PPFIA1: variants seen among roughly 807,000 people sequenced by gnomAD.
PPFIA1 encodes PPFI scaffold protein A1.
A neutral mutation model predicts 149.9 loss-of-function variants in PPFIA1; 25 were observed. The observed-to-expected ratio is 0.17, with a 90% CI of 0.12 to 0.23. The LOEUF (loss-of-function observed/expected upper bound fraction) is 0.23. Ranked by LOEUF, PPFIA1 falls within the 10% of genes least tolerant of loss-of-function variation. The pLI is 1.00. For synonymous variants in PPFIA1, 549 were observed against 552.8 expected (o/e 0.99, Z 0.10); for missense variants, 1,362 against 1,506.5 (o/e 0.90, Z 1.59).
chr11:70,332,907 A>G (rs1185850960), intron 9 of PPFIA1: 1 of 404,662 alleles, frequency 2.5e-6, no homozygotes, highest in African/African-American at 2.0e-5. Flanking sequence ...TGTTCCTTCT[A>G]GCAAGTTTGT....
rs1205010561 is a variant in PPFIA1, at chr11:70,382,110, G to T, written c.3573G>T (p.Arg1191Ser). 13 of 1,613,948 alleles carry T rather than the reference G, an allele frequency of 8.1e-6. No homozygotes were observed. The highest frequency in any genetic ancestry group is 1.1e-5 in the Non-Finnish European group (13 of 1,179,994). The change falls in exon 27 of 28, where the codon AGG becomes AGT. Residue 1191 changes from arginine to serine, a missense_variant. Physicochemically the swap from Arg to Ser is moderately radical, Grantham distance 110 (BLOSUM62 -1). Around this residue, in one of 7 missense-constraint regions of PPFIA1, gnomAD observed 349 missense variants for 373.3 expected, o/e 0.93. Transcript: ENST00000253925. ...QMDGNVSGTQ[R>S]LDSATVRTYS... is the part of the protein sequence containing the mutation. The stretch of plus-strand genomic sequence containing the variant: ...CAGGCAATGTATCAGGAACACAGAG[G>T]TTGGATTCTGCTACAGTCAGGACTT...
intron 2 of PPFIA1, among the ~76,000 whole-genome samples, chr11:70,277,037 GAT>G (rs1287413641): frequency 3.8e-5 from 3 of 79,200 alleles, no homozygotes; most frequent in Admixed American, 1.7e-4. Flanking sequence ...GTTTGATTGA[GAT>G]ATATATATAT....
At chr11:70,294,756 T>C (rs2051786492) in intron 2 of PPFIA1, among the ~76,000 whole-genome samples, 1 of 151,640 alleles carries the variant, frequency 6.6e-6, no homozygotes, top group Admixed American at 6.6e-5. Flanking sequence ...GTGATGACTC[T>C]TAACGAGCAT....
At chr11:70,382,868 G>A (rs775882527) in intron 27 of PPFIA1, 135 bp from the exon 28 acceptor site, 29 of 295,902 alleles carry the variant, frequency 9.8e-5, no homozygotes, top group South Asian at 3.5e-4. Flanking sequence ...GAGCAGCTAC[G>A]GCACAGAAAG....
intron 2 of PPFIA1, among the ~76,000 whole-genome samples, chr11:70,305,578 C>G (rs1000338073): frequency 1.3e-5 from 2 of 152,100 alleles, no homozygotes; most frequent in Non-Finnish European, 2.9e-5. Context: ...ACCCTGCTGC[C>G]TGGGCTGGTC....
At chr11:70,349,625 T>G (rs2055929636) in intron 16 of PPFIA1, among the ~76,000 whole-genome samples, 1 of 152,220 alleles carries the variant, frequency 6.6e-6, no homozygotes. Context: ...TTAGCCAGCA[T>G]GCAATTAAAT....
chr11:70,282,739 A>C (rs1042811351), intron 2 of PPFIA1, among the ~76,000 whole-genome samples: 1 of 149,864 alleles, frequency 6.7e-6, no homozygotes, highest in East Asian at 2.0e-4. Flanking sequence ...TCACCATGTT[A>C]GCCAGAATGG....
At chr11:70,375,160 T>C in intron 24 of PPFIA1, 67 bp downstream of exon 24, 3 of 900,078 alleles carry the variant, frequency 3.3e-6, no homozygotes, top group Non-Finnish European at 1.5e-6. Flanking sequence ...GACAGCTAGT[T>C]ATTCGAATAG....
chr11:70,301,359 C>T (rs2052476969), intron 2 of PPFIA1, among the ~76,000 whole-genome samples: 1 of 152,144 alleles, frequency 6.6e-6, no homozygotes, highest in Middle Eastern at 3.2e-3. Context: ...GGTTTTGGTC[C>T]TCACCATGGT....
chr11:70,331,853 A>T, intron 8 of PPFIA1, 107 bp from the exon 9 acceptor site: 2 of 1,263,346 alleles, frequency 1.6e-6, no homozygotes, highest in Non-Finnish European at 2.1e-6. Context: ...TAGCTCTTCC[A>T]TCATGACTCT....
At chr11:70,321,605 A>C (rs1480820158) in intron 2 of PPFIA1, among the ~76,000 whole-genome samples, 3 of 152,252 alleles carry the variant, frequency 2.0e-5, no homozygotes, top group African/African-American at 7.2e-5. Flanking sequence ...AAGAGTAAGA[A>C]GATATGACCC....
rs906116525 is a variant in PPFIA1 at position 70,382,084 on chromosome 11, A to G, written c.3551-4A>G. 6.2e-7 allele frequency: 1 copy of G among 1,613,840 alleles called. No individual in the cohort carries two copies. Among genetic ancestry groups the G allele is most frequent in the Non-Finnish European group, 8.5e-7 (1 of 1,179,944 alleles). On this transcript the variant is annotated splice_region_variant and splice_polypyrimidine_tract_variant and intron_variant, in intron 26 of 27. Coordinates refer to ENST00000253925, the MANE Select transcript of PPFIA1 (RefSeq NM_003626.5). ...CACGCTTCCTCTCGTGGCTGTTGAA[A>G]CAGGCAATGTATCAGGAACACAGAG...
At chr11:70,309,403 A>G (rs1233293122) in intron 2 of PPFIA1, among the ~76,000 whole-genome samples, 1 of 152,156 alleles carries the variant, frequency 6.6e-6, no homozygotes, top group East Asian at 1.9e-4. Flanking sequence ...TTGCGACCTC[A>G]GGTGATCTGC....
intron 2 of PPFIA1, among the ~76,000 whole-genome samples, chr11:70,295,656 C>G (rs1162315771): frequency 1.4e-5 from 2 of 145,326 alleles, no homozygotes; most frequent in African/African-American, 5.2e-5. Context: ...CCCCTCACCT[C>G]CCGGACGGGG....
At position 70,335,331 on chromosome 11, in the gene PPFIA1, G is replaced by T. The variant is rs570224867; in HGVS notation, c.1297-232G>T. Among the ~76,000 whole-genome samples, 3 of 152,252 alleles carry T rather than the reference G, an allele frequency of 2.0e-5. No homozygotes were observed. The South Asian group carries it at 6.2e-4, about 32-fold the overall frequency. On this transcript the variant is annotated intron_variant, in intron 10 of 27. Coordinates refer to ENST00000253925, the MANE Select transcript of PPFIA1 (RefSeq NM_003626.5). The stretch of plus-strand genomic sequence containing the variant: ...AGTGACATTCCTGAGGAGTCCTGTG[G>T]CAGGAGCAGTGGGACCTTCTAGTTA...
rs1028528587 is a variant in PPFIA1 at position 70,372,326 on chromosome 11, A to T, written c.2977A>T (p.Met993Leu). ...YFMECLVDAR[M>L]LDHLTKKDLR... Reference sequence around the variant, plus strand: ...CATGGAGTGCCTTGTAGACGCCAGGATGCTGGACCACTTGACCAAGAAAGA... The same window carrying T: ...CATGGAGTGCCTTGTAGACGCCAGGTTGCTGGACCACTTGACCAAGAAAGA... The change falls in exon 22 of 28, where the codon ATG (methionine) becomes TTG (leucine). Residue 993 changes from methionine to leucine, a missense_variant. Physicochemically the swap from Met to Leu is conservative, Grantham distance 15. Coordinates refer to ENST00000253925, the MANE Select transcript of PPFIA1 (RefSeq NM_003626.5). 1 of 1,614,216 alleles carries T rather than the reference A, an allele frequency of 6.2e-7. No individual in the cohort carries two copies. Among genetic ancestry groups the T allele is most frequent in the Non-Finnish European group, 8.5e-7 (1 of 1,180,032 alleles).
At chr11:70,293,025 A>G (rs1394708719) in intron 2 of PPFIA1, among the ~76,000 whole-genome samples, 3 of 152,230 alleles carry the variant, frequency 2.0e-5, no homozygotes, top group African/African-American at 7.2e-5. Flanking sequence ...ATGGGAGCCT[A>G]GTCTGAGCAA....
At position 70,377,890 on chromosome 11, in the gene PPFIA1, G is replaced by A. The variant is rs2057551634; in HGVS notation, c.3385-140G>A. On this transcript the variant is annotated intron_variant, in intron 25 of 27. Coordinates refer to ENST00000253925, the MANE Select transcript of PPFIA1 (RefSeq NM_003626.5). Reference sequence around the variant, plus strand: ...AGTTCCAGGTTGGGCAATATATTGTGTGGTCATCAAGAAGGGATTAAATAC... The same window carrying A: ...AGTTCCAGGTTGGGCAATATATTGTATGGTCATCAAGAAGGGATTAAATAC... 9.9e-6 allele frequency: 7 copies of A among 703,966 alleles called. No homozygotes were observed. The East Asian group carries it at 1.4e-4, about 14-fold the overall frequency. The allele number at this position is 703,966 out of a possible 1,614,324, so 43.6% of individuals were successfully genotyped here.
Position 70,358,638 on chromosome 11 carries a change from T to C in PPFIA1, c.2582+2384T>C, listed in dbSNP as rs529435340. 2 of 152,386 alleles carry C rather than the reference T, an allele frequency of 1.3e-5. 1 individual carries two copies. Among genetic ancestry groups the C allele is most frequent in the South Asian group, 4.1e-4 (2 of 4,826 alleles). 9.4% of individuals were successfully genotyped at this position (152,386 alleles called of 1,614,324 possible). On this transcript the variant is annotated intron_variant, in intron 19 of 27. Transcript: ENST00000253925. ...AACGAACGTATATTTCTCAGAATTATTTTCTTCTTATTAACCCCTGATTTA... is the reference window on the plus strand; with the variant it reads ...AACGAACGTATATTTCTCAGAATTACTTTCTTCTTATTAACCCCTGATTTA...
Sources: gnomAD v4.1 joint callset for allele counts (sites outside exome capture counted in the v4.1 genomes callset) on GRCh38, gnomAD v4.1.1 for gene constraint, gnomAD v4.1.1 regional missense constraint, MANE v1.5 for transcripts, NCBI Gene and HGNC (gene_info 2026-07-23, HGNC 2026-07-21) for gene names.